AGL: variants seen among roughly 807,000 people sequenced by gnomAD.
The protein encoded by AGL is amylo-alpha-1,6-glucosidase and 4-alpha-glucanotransferase, also known as glycogen debranching enzyme.
A neutral mutation model predicts 199.3 loss-of-function variants in AGL; 128 were observed. The ratio of observed to expected loss-of-function variants is 0.64; its 90% confidence interval spans 0.56 to 0.74. AGL has a LOEUF of 0.74. AGL is among the 30% of genes least tolerant of loss of function. The pLI is 0.00. For missense variants in AGL, 1,809 were observed against 1,820.8 expected, an observed-to-expected ratio of 0.99 and a Z score of 0.12; for synonymous variants, 584 against 594.7, an observed-to-expected ratio of 0.98 and a Z score of 0.26.
intron 2 of AGL, among the ~76,000 whole-genome samples, chr1:99,854,885 G>A (rs538517211): frequency 6.6e-6 from 1 of 151,836 alleles, no homozygotes; most frequent in South Asian, 2.1e-4. Context: ...TAAAGAAAAG[G>A]ATTGAACAGC....
At position 99,881,391 on chromosome 1, in the gene AGL, G is replaced by T. The variant is rs3736297; in HGVS notation, c.2101G>T (p.Ala701Ser). 35 of 1,614,148 alleles carry T rather than the reference G, an allele frequency of 2.2e-5. No individual in the cohort carries two copies. The East Asian group carries it at 7.8e-4, about 36-fold the overall frequency. The change falls in exon 16 of 34, where the codon GCC becomes TCC. Residue 701 changes from alanine to serine, a missense_variant. Physicochemically the swap from Ala to Ser is moderately conservative, Grantham distance 99 (BLOSUM62 1). Transcript: ENST00000361915. ...EVNFQSGIIA[A>S]RCAISKLHQE... ...TAATTTCCAAAGCGGCATTATTGCA[G>T]CCAGGTGTGCTATCAGTAAACTTCA...
intron 5 of AGL, among the ~76,000 whole-genome samples, chr1:99,866,367 TTCTC>T (rs1314543687): frequency 3.3e-5 from 5 of 152,188 alleles, no homozygotes; most frequent in African/African-American, 1.2e-4. Flanking sequence ...GGGAACTAGT[TTCTC>T]TCATGTTGCT....
chr1:99,879,782 A>T, intron 12 of AGL, 141 bp from the exon 13 acceptor site: 1 of 690,428 alleles, frequency 1.4e-6, no homozygotes, highest in Non-Finnish European at 2.6e-6. Context: ...TCTTGTTTCT[A>T]TGTGTTTTGG....
chr1:99,870,498 T>G lies in AGL; in HGVS notation c.763T>G (p.Trp255Gly). Residue 255 changes from tryptophan (W) to glycine (G), a missense_variant, in exon 6 of 34, where the codon TGG (tryptophan) becomes GGG (glycine). Coordinates refer to ENST00000361915, the MANE Select transcript of AGL (RefSeq NM_000642.3). ...KPAWVLDRAL[W>G]RFSCDVAEGK... ...TGCCTGGGTCTTAGACAGAGCACTT[T>G]GGCGTTTCTCCTGTGATGTTGCAGA... 1 of 1,614,082 alleles carries G rather than the reference T, an allele frequency of 6.2e-7. No individual in the cohort carries two copies. The highest frequency in any genetic ancestry group is 8.5e-7 in the Non-Finnish European group (1 of 1,179,972).
chr1:99,915,458 C>A lies in AGL; in HGVS notation c.4231C>A (p.Pro1411Thr). The change falls in exon 31 of 34, where the codon CCC (proline) becomes ACC (threonine). Residue 1411 changes from proline (P) to threonine (T), a missense_variant. Coordinates refer to ENST00000361915, the MANE Select transcript of AGL (RefSeq NM_000642.3). Reference sequence around the variant, plus strand: ...GATTGCAGAAAAAAAATTGCTTGGTCCCCTTGGCATGAAAACTTTAGATCC... The same window carrying A: ...GATTGCAGAAAAAAAATTGCTTGGTACCCTTGGCATGAAAACTTTAGATCC... ...LEIAEKKLLG[P>T]LGMKTLDPDD... 1 of 1,613,304 alleles carries A rather than the reference C, an allele frequency of 6.2e-7. No homozygotes were observed. Among genetic ancestry groups the A allele is most frequent in the South Asian group, 1.1e-5 (1 of 91,058 alleles).
Position 99,880,620 on chromosome 1 carries a change from A to G in AGL, c.1736-12A>G, listed in dbSNP as rs376829450. 3.0e-5 allele frequency: 49 copies of G among 1,613,212 alleles called. No individual in the cohort carries two copies. Among genetic ancestry groups the G allele is most frequent in the African/African-American group, 6.7e-5 (5 of 74,916 alleles). ...AATGAAGATTGTTAAAATATTCTGT[A>G]ATGCTCTGCAGAGGCAATGAGTGCA... is the stretch of plus-strand genomic sequence containing the variant. On this transcript the variant is annotated splice_polypyrimidine_tract_variant and intron_variant, in intron 13 of 33. Coordinates refer to ENST00000361915, the MANE Select transcript of AGL (RefSeq NM_000642.3).
rs147038780 is a variant in AGL at position 99,875,314 on chromosome 1, G to T, written c.1186-44G>T. ...TGCATCTTACTACTATTTTTTTGTTGTCTTGAGGATGGTGATGATCTAACA... is the reference window on the plus strand; with the variant it reads ...TGCATCTTACTACTATTTTTTTGTTTTCTTGAGGATGGTGATGATCTAACA... On this transcript the variant is annotated intron_variant, in intron 9 of 33. Transcript: ENST00000361915. 2.7e-4 allele frequency: 432 copies of T among 1,612,762 alleles called. No individual in the cohort carries two copies. The African/African-American group carries it at 5.4e-3, about 20-fold the overall frequency.
Position 99,891,628 on chromosome 1 carries a change from T to C in AGL, c.2972T>C (p.Met991Thr), listed in dbSNP as rs1412424871. 4 of 1,613,570 alleles carry C rather than the reference T, an allele frequency of 2.5e-6. No individual in the cohort carries two copies. Among genetic ancestry groups the C allele is most frequent in the Admixed American group, 3.3e-5 (2 of 59,986 alleles). Residue 991 changes from methionine (M) to threonine (T), a missense_variant, in exon 23 of 34, where the codon ATG (methionine) becomes ACG (threonine). Physicochemically the swap from Met to Thr is moderately conservative, Grantham distance 81. Transcript: ENST00000361915. ...IAEVGKWLQAMFFYLKQIPRY... is the reference protein window; with the variant it reads ...IAEVGKWLQATFFYLKQIPRY... ...CAGGTTGGTAAATGGTTGCAGGCTATGTTCTTCTACCTGAAGCAGATCCCA... is the reference window on the plus strand; with the variant it reads ...CAGGTTGGTAAATGGTTGCAGGCTACGTTCTTCTACCTGAAGCAGATCCCA...
chr1:99,877,884 C>T (rs1557761072), intron 12 of AGL, 56 bp downstream of exon 12: 1 of 1,555,330 alleles, frequency 6.4e-7, no homozygotes, highest in Non-Finnish European at 8.9e-7. Context: ...TCCTTCCTAG[C>T]TTTCCTTAAG....
intron 2 of AGL, among the ~76,000 whole-genome samples, chr1:99,856,384 C>A (rs1649456969): frequency 1.6e-5 from 2 of 128,678 alleles, no homozygotes. Context: ...CCCTTCCTCC[C>A]TCCCTCCCTC....
intron 30 of AGL, among the ~76,000 whole-genome samples, 194 bp from the exon 31 acceptor site, chr1:99,915,195 C>G (rs566566809): frequency 6.6e-6 from 1 of 152,256 alleles, no homozygotes; most frequent in African/African-American, 2.4e-5. Flanking sequence ...AAAGGCTTTC[C>G]TAACTTCTAC....
intron 33 of AGL, among the ~76,000 whole-genome samples, chr1:99,918,945 T>G (rs533020791): frequency 7.4e-4 from 112 of 152,312 alleles, no homozygotes; most frequent in Non-Finnish European, 1.2e-3. Context: ...TGCCACATAC[T>G]GCTTCTTCTC....
intron 20 of AGL, 66 bp downstream of exon 20, chr1:99,884,769 A>T (rs1652324709): frequency 5.1e-6 from 8 of 1,582,248 alleles, no homozygotes; most frequent in Non-Finnish European, 6.9e-6. Flanking sequence ...GACTGAATTA[A>T]GCAGTTTTAA....
At chr1:99,862,563 GAA>G (rs1314776219) in intron 4 of AGL, 140 bp downstream of exon 4, 9 of 982,222 alleles carry the variant, frequency 9.2e-6, no homozygotes, top group Non-Finnish European at 1.2e-5. Flanking sequence ...AATTTATAAA[GAA>G]AAGAGGTTTG....
chr1:99,868,494 C>G (rs1571239467), intron 5 of AGL, among the ~76,000 whole-genome samples: 1 of 151,998 alleles, frequency 6.6e-6, no homozygotes, highest in African/African-American at 2.4e-5. Flanking sequence ...CGCCTGTAAT[C>G]CCAGCTACTC....
In AGL at chr1:99,875,369, C is replaced by G. The variant is rs928269107; in HGVS notation, c.1197C>G (p.Cys399Trp). ...INYHQEQAVN[C>W]LLGNVFYERL... ...TTAATGTTTTTCAGGCAGTTAATTG[C>G]CTTTTGGGAAATGTGTTTTATGAAC... The change falls in exon 10 of 34, where the codon TGC becomes TGG. Residue 399 changes from cysteine to tryptophan, a missense_variant. Cys to Trp is a radical substitution (Grantham distance 215). Coordinates refer to ENST00000361915, the MANE Select transcript of AGL (RefSeq NM_000642.3). 1 of 1,613,942 alleles carries G rather than the reference C, an allele frequency of 6.2e-7. No individual in the cohort carries two copies. The highest frequency in any genetic ancestry group is 8.5e-7 in the Non-Finnish European group (1 of 1,180,002).
intron 25 of AGL, among the ~76,000 whole-genome samples, chr1:99,897,006 G>A (rs1342351693): frequency 6.6e-6 from 1 of 152,042 alleles, no homozygotes; most frequent in Non-Finnish European, 1.5e-5. Flanking sequence ...TAGTAGAGAC[G>A]GGGTTTCACC....
In AGL at chr1:99,900,624, CTGT is replaced by C. The variant is rs761043920; in HGVS notation, c.3363-7_3363-5del. 1 of 1,607,172 alleles carries C rather than the reference CTGT, an allele frequency of 6.2e-7. No individual in the cohort carries two copies. The highest frequency in any genetic ancestry group is 1.1e-5 in the South Asian group (1 of 90,878). The stretch of plus-strand genomic sequence containing the variant: ...GTTTTCATTTCTGATCCACTTAATT[CTGT>C]TGTTTTAGGAATATTATTTTAGCAT... On this transcript the variant is annotated splice_polypyrimidine_tract_variant and intron_variant, in intron 25 of 33. Coordinates refer to ENST00000361915, the MANE Select transcript of AGL (RefSeq NM_000642.3).
At chr1:99,908,323 A>G (rs1553191865) in intron 27 of AGL, among the ~76,000 whole-genome samples, 1 of 152,052 alleles carries the variant, frequency 6.6e-6, no homozygotes, top group African/African-American at 2.4e-5. Context: ...AAAAAATTTG[A>G]CTGCATATAC....
Sources: allele counts gnomAD v4.1 joint callset (sites outside exome capture counted in the v4.1 genomes callset), GRCh38; gene constraint gnomAD v4.1.1; transcripts MANE v1.5; gene names NCBI Gene and HGNC (gene_info 2026-07-23, HGNC 2026-07-21).